Variants in UQCRC2 observed in about 807,000 individuals in gnomAD.
The protein encoded by UQCRC2 is cytochrome b-c1 complex subunit 2, mitochondrial.
In UQCRC2, 49 loss-of-function variants were observed where a neutral mutation model predicts 55.6. The ratio of observed to expected loss-of-function variants is 0.88; its 90% CI spans 0.70 to 1.12. The LOEUF (loss-of-function observed/expected upper bound fraction) is 1.12. Ranked by LOEUF, UQCRC2 falls within the 50% of genes most tolerant of loss-of-function variation. The probability of loss-of-function intolerance (pLI) is 0.00; values close to 1 mark genes in which losing one functional copy is unlikely to be tolerated. For synonymous variants in UQCRC2, 193 were observed against 192.0 expected (o/e 1.01, Z -0.04); for missense variants, 506 against 547.8 (o/e 0.92, Z 0.76).
At chr16:21,978,511 C>T (rs1898639090) in intron 12 of UQCRC2, among the ~76,000 whole-genome samples, 1 of 152,158 alleles carries the variant, frequency 6.6e-6, no homozygotes, top group South Asian at 2.1e-4. Flanking sequence ...CTGTACTGCC[C>T]TTCCCCACCT....
chr16:21,955,003 C>G (rs912285630), intron 1 of UQCRC2, among the ~76,000 whole-genome samples: 1 of 138,316 alleles, frequency 7.2e-6, no homozygotes, highest in Non-Finnish European at 1.5e-5. Flanking sequence ...TGCAGTGAGC[C>G]GAGATCGCAC....
At chr16:21,960,684 T>G (rs1898179555) in intron 4 of UQCRC2, among the ~76,000 whole-genome samples, 1 of 152,180 alleles carries the variant, frequency 6.6e-6, no homozygotes, top group Non-Finnish European at 1.5e-5. Context: ...CTTTCACTTG[T>G]ATACTTAGGG....
In UQCRC2 at chr16:21,969,279, A is replaced by G. The variant is rs747058236; in HGVS notation, c.670+594A>G. On this transcript the variant is annotated intron_variant, in intron 8 of 13. Transcript: ENST00000268379. ...CTGGGCATGGTGGCTCATGCCTGTA[A>G]TCCTAGCACTTTGGGAGGCTGAGGC... Among the ~76,000 whole-genome samples the G allele has an allele frequency of 7.2e-4, 109 of 152,314 alleles. 1 individual carries two copies. The highest frequency in any genetic ancestry group is 1.1e-3 in the Non-Finnish European group (73 of 68,020).
In UQCRC2 at chr16:21,971,958, C is replaced by T. The variant is rs1304162467; in HGVS notation, c.802C>T (p.His268Tyr). ...IREQNGDSLV[H>Y]AAFVAESAVA... is the part of the protein sequence containing the mutation. ...AGAACAGAATGGAGACAGTCTTGTC[C>T]ATGCTGCTTTTGTAGCAGAAAGTGC... The change falls in exon 10 of 14, where the codon CAT (histidine) becomes TAT (tyrosine). Residue 268 changes from histidine (H) to tyrosine (Y), a missense_variant. His to Tyr is a moderately conservative substitution (Grantham distance 83, BLOSUM62 2). Transcript: ENST00000268379. 1 of 1,614,158 alleles carries T rather than the reference C, an allele frequency of 6.2e-7. No individual in the cohort carries two copies. The highest frequency in any genetic ancestry group is 8.5e-7 in the Non-Finnish European group (1 of 1,180,026).
At chr16:21,971,740 T>A in intron 9 of UQCRC2, 120 bp downstream of exon 9, 1 of 1,322,556 alleles carries the variant, frequency 7.6e-7, no homozygotes, top group Non-Finnish European at 1.1e-6. Flanking sequence ...TAGAATTGGA[T>A]GGCTTGGGTG....
intron 4 of UQCRC2, among the ~76,000 whole-genome samples, chr16:21,959,160 A>G (rs900168611): frequency 3.3e-5 from 5 of 152,188 alleles, no homozygotes; most frequent in African/African-American, 7.2e-5. Flanking sequence ...AAATCAGACA[A>G]CAGTGAAGTT....
intron 4 of UQCRC2, 126 bp from the exon 5 acceptor site, chr16:21,962,334 T>C (rs1397749196): frequency 5.6e-5 from 63 of 1,115,342 alleles, no homozygotes; most frequent in Non-Finnish European, 7.9e-5. Flanking sequence ...AGTTTTGTTA[T>C]ATTATTGTTC....
At chr16:21,963,956 A>C (rs1413561377) in intron 6 of UQCRC2, among the ~76,000 whole-genome samples, 1 of 152,148 alleles carries the variant, frequency 6.6e-6, no homozygotes, top group Non-Finnish European at 1.5e-5. Context: ...ATGTTTATAT[A>C]ATGTCTAATT....
chr16:21,966,596 CTG>C (rs1289714040), intron 7 of UQCRC2, among the ~76,000 whole-genome samples: 2 of 152,190 alleles, frequency 1.3e-5, no homozygotes, highest in Middle Eastern at 3.2e-3. Flanking sequence ...GAAAACTAAA[CTG>C]TATCCCTTGC....
At chr16:21,960,572 C>T (rs1043942517) in intron 4 of UQCRC2, among the ~76,000 whole-genome samples, 2 of 152,174 alleles carry the variant, frequency 1.3e-5, no homozygotes, top group African/African-American at 4.8e-5. Context: ...TGCAAGAGGC[C>T]TAGCTTTTGA....
At chr16:21,972,711 C>T (rs1169032368) in intron 10 of UQCRC2, among the ~76,000 whole-genome samples, 1 of 152,002 alleles carries the variant, frequency 6.6e-6, no homozygotes, top group African/African-American at 2.4e-5. Flanking sequence ...CCCCATCTCT[C>T]CTAATCCAAT....
chr16:21,954,584 A>G (rs879487607), intron 1 of UQCRC2, among the ~76,000 whole-genome samples: 9 of 152,196 alleles, frequency 5.9e-5, no homozygotes, highest in Admixed American at 3.9e-4. Context: ...GAGAGGCCCA[A>G]AGTAAACAAA....
Position 21,976,163 on chromosome 16 carries a change from C to G in UQCRC2, c.1048-4C>G. ...AGATGACCAACTTTTCTTATCTGTC[C>G]TAGGTTATCAAGGCTGCCTATAATC... On this transcript the variant is annotated splice_region_variant and splice_polypyrimidine_tract_variant and intron_variant, in intron 11 of 13. Transcript: ENST00000268379. 3.7e-6 allele frequency: 6 copies of G among 1,613,354 alleles called. No homozygotes were observed. The highest frequency in any genetic ancestry group is 5.1e-6 in the Non-Finnish European group (6 of 1,179,410).
chr16:21,969,935 A>T (rs1177001494), intron 8 of UQCRC2, among the ~76,000 whole-genome samples: 1 of 151,978 alleles, frequency 6.6e-6, no homozygotes, highest in Non-Finnish European at 1.5e-5. Context: ...ACAGTGGCAC[A>T]ATCATAGCTC....
rs1457357172 is a variant in UQCRC2, at chr16:21,957,469, C to T, written c.170C>T (p.Pro57Leu). The change falls in exon 3 of 14, where the codon CCT (proline) becomes CTT (leucine). Residue 57 changes from proline to leucine, a missense_variant. By Grantham distance (98) the Pro-to-Leu change is moderately conservative. Coordinates refer to ENST00000268379, the MANE Select transcript of UQCRC2 (RefSeq NM_003366.4). ...ATTGCTTCTTTGGAAAACTATTCTC[C>T]TGTATCAAGAATTGGTTTGTTCATT... ...LVIASLENYS[P>L]VSRIGLFIKA... is the part of the protein sequence containing the mutation. 1 of 1,613,978 alleles carries T rather than the reference C, an allele frequency of 6.2e-7. No homozygotes were observed. Among genetic ancestry groups the T allele is most frequent in the Non-Finnish European group, 8.5e-7 (1 of 1,180,024 alleles).
chr16:21,980,541 G>A lies in UQCRC2; in HGVS notation c.1125-6G>A. ...CTAAAACTGACTTCTGCCTTTTATT[G>A]GACAGGAACAAGCTGAAAGCTGGAT... On this transcript the variant is annotated splice_polypyrimidine_tract_variant and splice_region_variant and intron_variant, in intron 12 of 13. Coordinates refer to ENST00000268379, the MANE Select transcript of UQCRC2 (RefSeq NM_003366.4). 6.2e-7 allele frequency: 1 copy of A among 1,611,738 alleles called. No individual in the cohort carries two copies. Among genetic ancestry groups the A allele is most frequent in the Non-Finnish European group, 8.5e-7 (1 of 1,179,328 alleles).
intron 12 of UQCRC2, among the ~76,000 whole-genome samples, chr16:21,977,858 C>T (rs1197058490): frequency 6.6e-6 from 1 of 152,248 alleles, no homozygotes; most frequent in East Asian, 1.9e-4. Context: ...GCTGAGCACA[C>T]TACAAAGTTG....
chr16:21,975,678 C>T lies in UQCRC2; in HGVS notation c.1048-489C>T, dbSNP rs192758408. Reference sequence around the variant, plus strand: ...AGTATGGACAAGCCTTACAAATTGGCTGTGTATGGATTACTACTCTCTTCT... The same window carrying T: ...AGTATGGACAAGCCTTACAAATTGGTTGTGTATGGATTACTACTCTCTTCT... On this transcript the variant is annotated intron_variant, in intron 11 of 13. Coordinates refer to ENST00000268379, the MANE Select transcript of UQCRC2 (RefSeq NM_003366.4). Among the ~76,000 whole-genome samples the T allele has an allele frequency of 1.1e-4, 16 of 152,260 alleles. 1 individual carries two copies. The highest frequency in any genetic ancestry group is 2.9e-5 in the Non-Finnish European group (2 of 68,022).
intron 1 of UQCRC2, among the ~76,000 whole-genome samples, chr16:21,956,098 TACAGGCGTGA>T (rs1216026133): frequency 1.3e-5 from 2 of 152,238 alleles, no homozygotes; most frequent in Non-Finnish European, 2.9e-5. Context: ...GTGCTGGGAT[TACAGGCGTGA>T]GCCACCGCAC....
Sources: allele counts gnomAD v4.1 joint callset (sites outside exome capture counted in the v4.1 genomes callset), GRCh38; gene constraint gnomAD v4.1.1; transcripts MANE v1.5; gene names NCBI Gene and HGNC (gene_info 2026-07-23, HGNC 2026-07-21).